The following ASPH variants were observed in gnomAD, a reference collection of about 807,000 sequenced individuals.
ASPH encodes the protein aspartyl/asparaginyl beta-hydroxylase.
ASPH carries 100 observed loss-of-function variants against 118.4 expected under a neutral mutation model. The observed-to-expected ratio is 0.84, with a 90% CI of 0.72 to 1.00. The LOEUF (loss-of-function observed/expected upper bound fraction) is 1.00, where lower values mean the gene tolerates loss of function less well. Among genes scored for constraint, ASPH ranks in the 50% least tolerant of loss-of-function variants. ASPH has a pLI of 0.00. For synonymous variants in ASPH, 315 were observed against 325.6 expected (o/e 0.97, Z 0.35); for missense variants, 920 against 919.5 (o/e 1.00, Z -0.01).
At chr8:61,576,750 A>G in intron 16 of ASPH, 22 bp downstream of exon 16, 1 of 1,594,310 alleles carries the variant, frequency 6.3e-7, no homozygotes, top group Non-Finnish European at 8.6e-7. Flanking sequence ...AAAGTGTCCT[A>G]AGGAGAAGGG....
rs200385782 is a variant in ASPH, at chr8:61,651,006, G to C, written c.490+44C>G. On this transcript the variant is annotated intron_variant, in intron 5 of 24. Coordinates refer to ENST00000379454, the MANE Select transcript of ASPH (RefSeq NM_004318.4). ...TCCAAGTCATTTTACATAACTAAGC[G>C]TTATTTTAGTAACTCAAAACAAAGA... 2.6e-6 allele frequency: 4 copies of C among 1,529,758 alleles called. No homozygotes were observed. In the Admixed American group the frequency reaches 7.3e-5, roughly 28 times the overall value. 94.8% of individuals were successfully genotyped at this position (1,529,758 alleles called of 1,614,324 possible). A position where few individuals can be genotyped will look rare whatever the true frequency, so the allele number is the denominator to read the frequency against.
chr8:61,646,808 A>G lies in ASPH; in HGVS notation c.561T>C (p.Leu187=). ...GEPQQEDDEF[L]MATDVDDRFE... ...ATCTATCATCTACATCAGTCGCCAT[A>G]AGAAACTCATCATCCTCTTGTTGTG... is the stretch of plus-strand genomic sequence containing the variant. The change falls in exon 6 of 25, where the codon CTT becomes CTC. Residue 187 remains leucine, a synonymous_variant. Coordinates refer to ENST00000379454, the MANE Select transcript of ASPH (RefSeq NM_004318.4). 1 of 1,614,028 alleles carries G rather than the reference A, an allele frequency of 6.2e-7. No homozygotes were observed. The highest frequency in any genetic ancestry group is 1.1e-5 in the South Asian group (1 of 91,068).
At chr8:61,679,667 C>A (rs144300487) in intron 3 of ASPH, among the ~76,000 whole-genome samples, 2 of 151,670 alleles carry the variant, frequency 1.3e-5, no homozygotes, top group African/African-American at 4.8e-5. Flanking sequence ...AAATAAAAAG[C>A]TTTGCTATTC....
At chr8:61,699,866 G>A (rs906767458) in intron 1 of ASPH, among the ~76,000 whole-genome samples, 3 of 152,182 alleles carry the variant, frequency 2.0e-5, no homozygotes, top group Non-Finnish European at 2.9e-5. Flanking sequence ...CTCAAGCAAC[G>A]GACTCCATGG....
At chr8:61,521,435 G>C (rs1369450516) in intron 22 of ASPH, among the ~76,000 whole-genome samples, 1 of 152,184 alleles carries the variant, frequency 6.6e-6, no homozygotes, top group Non-Finnish European at 1.5e-5. Flanking sequence ...CCATTTTTCA[G>C]ATGAGGGATT....
chr8:61,668,110 C>G (rs1820613323), intron 3 of ASPH: 1 of 929,436 alleles, frequency 1.1e-6, no homozygotes, highest in African/African-American at 1.7e-5. Context: ...AAGTTGCACC[C>G]AAGCAAGACC....
At chr8:61,602,919 G>A (rs61704340) in intron 14 of ASPH, among the ~76,000 whole-genome samples, 5,277 of 152,120 alleles carry the variant, frequency 0.035, 306 homozygotes, top group African/African-American at 0.12. Context: ...ACAGCTGGGC[G>A]TGGTGGCTCA....
At chr8:61,600,022 A>C (rs147379593) in intron 14 of ASPH, among the ~76,000 whole-genome samples, 2,379 of 152,296 alleles carry the variant, frequency 0.016, 27 homozygotes, top group South Asian at 0.04. Flanking sequence ...AAATATTAGC[A>C]AAGTGAATCC....
chr8:61,507,913 G>A (rs1231927335), intron 24 of ASPH, among the ~76,000 whole-genome samples: 1 of 152,196 alleles, frequency 6.6e-6, no homozygotes, highest in Non-Finnish European at 1.5e-5. Flanking sequence ...TAAGGACCCA[G>A]AGAAGCAGCA....
chr8:61,681,979 A>T (rs956361166), intron 2 of ASPH, among the ~76,000 whole-genome samples: 2 of 151,980 alleles, frequency 1.3e-5, no homozygotes, highest in Non-Finnish European at 1.5e-5. Context: ...TCTCAAATAC[A>T]GCATTAGTAC....
chr8:61,703,780 G>A (rs1447220481), intron 1 of ASPH, among the ~76,000 whole-genome samples: 1 of 151,656 alleles, frequency 6.6e-6, no homozygotes, highest in Admixed American at 6.6e-5. Context: ...ATTCTAAAAT[G>A]TATATGGATA....
chr8:61,590,108 G>T (rs66516703), intron 14 of ASPH, among the ~76,000 whole-genome samples: 39,554 of 151,682 alleles, frequency 0.26, 6,000 homozygotes, highest in African/African-American at 0.41. Context: ...TTGGATACTA[G>T]GGTTTGGTGC....
chr8:61,557,568 T>A (rs58135858), intron 18 of ASPH, among the ~76,000 whole-genome samples: 49,633 of 152,016 alleles, frequency 0.33, 10,775 homozygotes, highest in African/African-American at 0.62. Context: ...CTTTACCTTG[T>A]CTCACTTTTC....
chr8:61,640,927 T>C (rs1460568769), intron 10 of ASPH, among the ~76,000 whole-genome samples: 1 of 152,238 alleles, frequency 6.6e-6, no homozygotes. Context: ...ACAGAATATA[T>C]TCTATTCTCC....
rs1480784954 is a variant in ASPH, at chr8:61,714,384, G to T, written c.-13C>A. On this transcript the variant is annotated 5_prime_UTR_variant, in exon 1 of 25. Coordinates refer to ENST00000379454, the MANE Select transcript of ASPH (RefSeq NM_004318.4). ...TACGCTGGGCCATTGCACGGTCCGC[G>T]GGGGCTGGTGAGGGCTGGCGGACCT... 6.7e-7 allele frequency: 1 copy of T among 1,494,652 alleles called. No homozygotes were observed. The highest frequency in any genetic ancestry group is 2.1e-4 in the Middle Eastern group (1 of 4,670). The allele number at this position is 1,494,652 out of a possible 1,614,324, so 92.6% of individuals were successfully genotyped here. A position where few individuals can be genotyped will look rare whatever the true frequency, so the allele number is the denominator to read the frequency against.
intron 1 of ASPH, among the ~76,000 whole-genome samples, chr8:61,702,842 T>C (rs1014994321): frequency 1.3e-5 from 2 of 152,040 alleles, no homozygotes; most frequent in African/African-American, 4.8e-5. Flanking sequence ...ATCTAAAGTA[T>C]GGAAGGAGAA....
rs751239592 is a variant in ASPH, at chr8:61,643,983, T to C, written c.671A>G (p.Gln224Arg). ...CTCAGACATCATCTCTTCCATATCC[T>C]GATTACAGTCTTGTGAAACTATAAA... Reference protein sequence around the residue: ...VEETVSQDCNQDMEEMMSEQE... With the variant: ...VEETVSQDCNRDMEEMMSEQE... Residue 224 changes from glutamine to arginine, a missense_variant, in exon 8 of 25, where the codon CAG becomes CGG. Coordinates refer to ENST00000379454, the MANE Select transcript of ASPH (RefSeq NM_004318.4). The C allele has an allele frequency of 4.3e-6, 7 of 1,610,498 alleles. No individual in the cohort carries two copies. In the South Asian group the frequency reaches 7.7e-5, roughly 18 times the overall value.
Position 61,684,048 on chromosome 8 carries a change from C to G in ASPH, c.244G>C (p.Glu82Gln). The G allele has an allele frequency of 6.2e-7, 1 of 1,613,492 alleles. No homozygotes were observed. The highest frequency in any genetic ancestry group is 8.5e-7 in the Non-Finnish European group (1 of 1,179,612). The change falls in exon 2 of 25, where the codon GAA becomes CAA. Residue 82 changes from glutamate (E) to glutamine (Q), a missense_variant. Physicochemically the swap from Glu to Gln is conservative, Grantham distance 29. Coordinates refer to ENST00000379454, the MANE Select transcript of ASPH (RefSeq NM_004318.4). ...ATATCAAAATTCTTACCTAGAACTT[C>G]CTCATAGTCAACAAGATCAAACCAA... is the stretch of plus-strand genomic sequence containing the variant. ...VVWFDLVDYEEVLGKLGIYDA... is the reference protein window; with the variant it reads ...VVWFDLVDYEQVLGKLGIYDA...
At chr8:61,628,229 A>C (rs867673776) in intron 13 of ASPH, 9 of 271,436 alleles carry the variant, frequency 3.3e-5, no homozygotes, top group Non-Finnish European at 5.8e-5. Flanking sequence ...GTGCGATCAT[A>C]GCCTACTGCA....
Sources: gnomAD v4.1 joint callset for allele counts (sites outside exome capture counted in the v4.1 genomes callset) on GRCh38, gnomAD v4.1.1 for gene constraint, MANE v1.5 for transcripts, NCBI Gene and HGNC (gene_info 2026-07-23, HGNC 2026-07-21) for gene names.